MBD5: variants seen among roughly 807,000 people sequenced by gnomAD.
MBD5 encodes methyl-CpG binding domain protein 5.
In MBD5, 13 loss-of-function variants were observed where a neutral mutation model predicts 117.3. The observed-to-expected ratio is 0.11, with a 90% confidence interval of 0.07 to 0.18. MBD5 has a LOEUF of 0.18. Among genes scored for constraint, MBD5 ranks in the 10% least tolerant of loss-of-function variants. The pLI, the probability that MBD5 is intolerant of heterozygous loss-of-function variation, is 1.00. For missense variants in MBD5, 1,879 were observed against 2,093.8 expected (o/e 0.90, Z 2.00); for synonymous variants, 727 against 766.4 (o/e 0.95, Z 0.85).
chr2:148,036,673 C>T (rs893486232), intron 1 of MBD5, among the ~76,000 whole-genome samples: 1 of 151,976 alleles, frequency 6.6e-6, no homozygotes, highest in Non-Finnish European at 1.5e-5. Flanking sequence ...TATATATGGG[C>T]TCAGTGCTCC....
chr2:148,465,870 A>G (rs1473958133), intron 7 of MBD5, among the ~76,000 whole-genome samples: 1 of 152,166 alleles, frequency 6.6e-6, no homozygotes, highest in Non-Finnish European at 1.5e-5. Context: ...CTCTCACATC[A>G]CATAATATCA....
intron 3 of MBD5, chr2:148,244,179 T>C (rs1276181130): frequency 1.3e-5 from 2 of 152,040 alleles, no homozygotes; most frequent in African/African-American, 2.4e-5. Flanking sequence ...ATAGGCAAAT[T>C]ATTTCTTTGA....
intron 1 of MBD5, among the ~76,000 whole-genome samples, chr2:148,089,419 T>C (rs1695880031): frequency 6.6e-6 from 1 of 152,064 alleles, no homozygotes; most frequent in Non-Finnish European, 1.5e-5. Flanking sequence ...ACATGAAACA[T>C]TCTCCGTGAT....
intron 3 of MBD5, among the ~76,000 whole-genome samples, chr2:148,341,910 G>C (rs1007105368): frequency 6.6e-6 from 1 of 151,286 alleles, no homozygotes; most frequent in African/African-American, 2.4e-5. Context: ...ATTGTGTCTG[G>C]GTAGATAGTA....
chr2:148,325,512 C>A (rs1477511136), intron 3 of MBD5, among the ~76,000 whole-genome samples: 12 of 152,104 alleles, frequency 7.9e-5, no homozygotes, highest in African/African-American at 1.9e-4. Context: ...ACAATATCAG[C>A]TCCTGTTATT....
chr2:148,072,703 G>A (rs1043694269), intron 1 of MBD5, among the ~76,000 whole-genome samples: 4 of 152,146 alleles, frequency 2.6e-5, no homozygotes, highest in African/African-American at 9.7e-5. Context: ...CTTAGTTTCT[G>A]TAAGAGGCTG....
intron 2 of MBD5, among the ~76,000 whole-genome samples, chr2:148,203,104 CAAA>C (rs529122300): frequency 2.7e-5 from 2 of 75,108 alleles, no homozygotes. Flanking sequence ...GACTCCATCT[CAAA>C]AAAAAAAAAA....
At chr2:148,222,940 C>CTGG (rs1699727687) in intron 2 of MBD5, among the ~76,000 whole-genome samples, 1 of 151,966 alleles carries the variant, frequency 6.6e-6, no homozygotes. Flanking sequence ...TGCTAATGTA[C>CTGG]ATTCTATATC....
rs1426411751 is a variant in MBD5 at position 148,515,053 on chromosome 2, G to T, written c.*2112G>T. On this transcript the variant is annotated 3_prime_UTR_variant, in exon 14 of 14. Transcript: ENST00000642680. ...TGTTTATAAGTTAAAAGTTGATGTG[G>T]CTAGTATGTTTAAACCATTAATGTC... 1 of 152,114 alleles carries T rather than the reference G, an allele frequency of 6.6e-6. No individual in the cohort carries two copies. The highest frequency in any genetic ancestry group is 1.5e-5 in the Non-Finnish European group (1 of 68,024). 9.4% of individuals were successfully genotyped at this position (152,114 alleles called of 1,614,324 possible).
At chr2:148,336,294 T>A (rs12468725) in intron 3 of MBD5, among the ~76,000 whole-genome samples, 1 of 152,014 alleles carries the variant, frequency 6.6e-6, no homozygotes, top group Non-Finnish European at 1.5e-5. Context: ...ACAGATAAAT[T>A]TGAAGTTACT....
rs772844812 is a variant in MBD5 at position 148,485,948 on chromosome 2, C to G, written c.3751C>G (p.Gln1251Glu). Reference protein sequence around the residue: ...NPMACLFQNFQVRMQEDAALL... With the variant: ...NPMACLFQNFEVRMQEDAALL... ...CATGGCTTGTCTGTTTCAGAACTTT[C>G]AGGTACTCTCCTCTGCTGTGTCATT... Residue 1251 changes from glutamine (Q) to glutamate (E), a missense_variant and splice_region_variant, in exon 10 of 14, where the codon CAG becomes GAG. By Grantham distance (29) the Gln-to-Glu change is conservative. Transcript: ENST00000642680. 2.5e-6 allele frequency: 4 copies of G among 1,613,168 alleles called. No individual in the cohort carries two copies. Among genetic ancestry groups the G allele is most frequent in the Non-Finnish European group, 3.4e-6 (4 of 1,179,112 alleles).
At chr2:148,316,123 T>C (rs942743027) in intron 3 of MBD5, among the ~76,000 whole-genome samples, 1 of 152,124 alleles carries the variant, frequency 6.6e-6, no homozygotes, top group African/African-American at 2.4e-5. Flanking sequence ...CTTCTTATCA[T>C]GAGAACAGCC....
At chr2:148,455,121 T>G (rs1706843661) in intron 4 of MBD5, among the ~76,000 whole-genome samples, 1 of 152,150 alleles carries the variant, frequency 6.6e-6, no homozygotes, top group African/African-American at 2.4e-5. Flanking sequence ...TTCAAACTTC[T>G]CTGTATTTTC....
At chr2:148,377,868 T>C (rs1031710477) in intron 4 of MBD5, among the ~76,000 whole-genome samples, 4 of 152,200 alleles carry the variant, frequency 2.6e-5, no homozygotes, top group Non-Finnish European at 4.4e-5. Flanking sequence ...ATACTTTGAA[T>C]TTGAACTTTG....
At chr2:148,199,803 A>C (rs1303899425) in intron 2 of MBD5, among the ~76,000 whole-genome samples, 7 of 152,036 alleles carry the variant, frequency 4.6e-5, no homozygotes, top group African/African-American at 1.7e-4. Flanking sequence ...AATGTCATGG[A>C]TTTCTTTATT....
intron 1 of MBD5, among the ~76,000 whole-genome samples, chr2:148,040,239 G>A (rs1400630341): frequency 6.6e-6 from 1 of 152,122 alleles, no homozygotes; most frequent in Non-Finnish European, 1.5e-5. Flanking sequence ...GGTGGCACGA[G>A]CCTGTAGTCC....
At chr2:148,443,711 G>C (rs1225997102) in intron 4 of MBD5, among the ~76,000 whole-genome samples, 1 of 151,162 alleles carries the variant, frequency 6.6e-6, no homozygotes, top group Non-Finnish European at 1.5e-5. Context: ...CATAGAAATA[G>C]AAAGTAGAAG....
chr2:148,294,525 A>C (rs1283219271), intron 3 of MBD5, among the ~76,000 whole-genome samples: 5 of 48,382 alleles, frequency 1.0e-4, no homozygotes, highest in African/African-American at 1.7e-4. Flanking sequence ...TTTTTTTGAG[A>C]TAGAGCTGGC....
intron 3 of MBD5, among the ~76,000 whole-genome samples, chr2:148,333,154 T>A (rs931790547): frequency 1.3e-5 from 2 of 152,196 alleles, no homozygotes; most frequent in African/African-American, 2.4e-5. Flanking sequence ...TCAAATTTTA[T>A]GTCCCTAAAG....
Sources: allele counts gnomAD v4.1 joint callset (sites outside exome capture counted in the v4.1 genomes callset), GRCh38; gene constraint gnomAD v4.1.1; transcripts MANE v1.5; gene names NCBI Gene and HGNC (gene_info 2026-07-23, HGNC 2026-07-21).